PPP1R13L: variants seen among roughly 807,000 people sequenced by gnomAD.
The protein encoded by PPP1R13L is relA-associated inhibitor.
Under a neutral mutation model 80.9 loss-of-function variants are expected in PPP1R13L, and 50 were observed. The observed-to-expected ratio is 0.62, with a 90% CI of 0.49 to 0.78. The LOEUF is 0.78. PPP1R13L is among the 30% of genes least tolerant of loss of function. The probability of loss-of-function intolerance (pLI) is 0.00; values close to 1 mark genes in which losing one functional copy is unlikely to be tolerated. For synonymous variants in PPP1R13L, 602 were observed against 534.3 expected, an observed-to-expected ratio of 1.13 and a Z score of -1.75; for missense variants, 1,200 against 1,205.9, an observed-to-expected ratio of 1.00 and a Z score of 0.07.
At position 45,395,885 on chromosome 19, in the gene PPP1R13L, T is replaced by C. The variant is rs766753899; in HGVS notation, c.905A>G (p.Asp302Gly). Residue 302 changes from aspartate (D) to glycine (G), a missense_variant and splice_region_variant, in exon 7 of 13, where the codon GAC becomes GGC. Asp to Gly is a moderately conservative substitution (Grantham distance 94). Coordinates refer to ENST00000360957, the MANE Select transcript of PPP1R13L (RefSeq NM_006663.4). ...SLDGLGGTGK[D>G]NLTSATLPRN... is the part of the protein sequence containing the mutation. ...CGGCAGGGTGGCGCTAGTGAGGTTG[T>C]CCTGGGGAAGAGGGAAGGGAGAAGG... is the stretch of plus-strand genomic sequence containing the variant. The C allele has an allele frequency of 1.9e-6, 3 of 1,584,072 alleles. No individual in the cohort carries two copies. Among genetic ancestry groups the C allele is most frequent in the Non-Finnish European group, 8.6e-7 (1 of 1,165,870 alleles).
In PPP1R13L at chr19:45,396,622, T is replaced by A. The variant is rs1973101728; in HGVS notation, c.635A>T (p.Asp212Val). ...GCTCCCGAAGGCGGACGCTGGCGCG[T>A]CGTAGGCTGTGGCAGGGGGGCGCGG... ...PSPRPPATAY[D>V]APASAFGSSL... The change falls in exon 4 of 13, where the codon GAC becomes GTC. Residue 212 changes from aspartate to valine, a missense_variant. Asp to Val is a radical substitution (Grantham distance 152). Coordinates refer to ENST00000360957, the MANE Select transcript of PPP1R13L (RefSeq NM_006663.4). The surrounding 1 kb of genome is among the most constrained non-coding windows in gnomAD (Gnocchi z 5.3). The A allele has an allele frequency of 6.7e-7, 1 of 1,486,488 alleles. No homozygotes were observed. The highest frequency in any genetic ancestry group is 8.9e-7 in the Non-Finnish European group (1 of 1,127,926). The allele number at this position is 1,486,488 out of a possible 1,614,324, so 92.1% of individuals were successfully genotyped here. A position where few individuals can be genotyped will look rare whatever the true frequency, so the allele number is the denominator to read the frequency against.
At position 45,385,591 on chromosome 19, in the gene PPP1R13L, C is replaced by A; in HGVS notation, c.2219G>T (p.Gly740Val). ...CAGGTAGGTGGCGCAGTCAGCATAA[C>A]CCTCGCGGTAAGGGTCGCACTTCTC... is the stretch of plus-strand genomic sequence containing the variant. ...AFEKCDPYRE[G>V]YADCATYLAD... is the part of the protein sequence containing the mutation. The change falls in exon 11 of 13, where the codon GGT becomes GTT. Residue 740 changes from glycine (G) to valine (V), a missense_variant. This residue lies in a region of PPP1R13L where 165 missense variants were observed against 177.1 expected (regional missense o/e 0.93). Coordinates refer to ENST00000360957, the MANE Select transcript of PPP1R13L (RefSeq NM_006663.4). 6.2e-7 allele frequency: 1 copy of A among 1,613,016 alleles called. No homozygotes were observed. Among genetic ancestry groups the A allele is most frequent in the African/African-American group, 1.3e-5 (1 of 75,080 alleles).
chr19:45,398,355 G>A lies in PPP1R13L; in HGVS notation c.-21-16C>T. The stretch of plus-strand genomic sequence containing the variant: ...GAGCGGGCGCCTGCATGGTGGGGAG[G>A]GAGGGAGCTGGCTAAGACCCCGCCC... On this transcript the variant is annotated splice_polypyrimidine_tract_variant and intron_variant, in intron 1 of 12. Coordinates refer to ENST00000360957, the MANE Select transcript of PPP1R13L (RefSeq NM_006663.4). 4.3e-6 allele frequency: 7 copies of A among 1,610,718 alleles called. No homozygotes were observed. Among genetic ancestry groups the A allele is most frequent in the Non-Finnish European group, 5.9e-6 (7 of 1,179,522 alleles).
At position 45,395,455 on chromosome 19, in the gene PPP1R13L, T is replaced by C; in HGVS notation, c.1335A>G (p.Thr445=). The C allele has an allele frequency of 6.9e-7, 1 of 1,438,940 alleles. No homozygotes were observed. Among genetic ancestry groups the C allele is most frequent in the Non-Finnish European group, 9.2e-7 (1 of 1,084,022 alleles). The allele number at this position is 1,438,940 out of a possible 1,614,324, so 89.1% of individuals were successfully genotyped here. The part of the protein sequence containing the change: ...PTPAPQHPQQ[T]WPPVNEGPPK... ...ACTCACCTTCGTTCACAGGGGGCCA[T>C]GTCTGTTGGGGATGCTGGGGGGCTG... The change falls in exon 7 of 13, where the codon ACA becomes ACG. Residue 445 remains threonine, a synonymous_variant. Transcript: ENST00000360957.
chr19:45,392,192 T>A lies in PPP1R13L; in HGVS notation c.1503A>T (p.Ala501=). 6.2e-7 allele frequency: 1 copy of A among 1,611,428 alleles called. No individual in the cohort carries two copies. Residue 501 remains alanine (A), a synonymous_variant, in exon 8 of 13, where the codon GCA becomes GCT. Transcript: ENST00000360957. ...TRLQPALPPE[A]QSVPELEEVA... Reference sequence around the variant, plus strand: ...CCTCCTCCAGCTCGGGCACCGACTGTGCCTCCGGTGGCAGTGCTGGCTGCA... The same window carrying A: ...CCTCCTCCAGCTCGGGCACCGACTGAGCCTCCGGTGGCAGTGCTGGCTGCA...
chr19:45,382,868 G>C (rs1406956797), intron 11 of PPP1R13L, 142 bp from the exon 12 acceptor site: 1 of 744,658 alleles, frequency 1.3e-6, no homozygotes, highest in Non-Finnish European at 2.2e-6. Context: ...CATGGCTGTG[G>C]ATGGGAACCG....
chr19:45,392,301 T>C lies in PPP1R13L; in HGVS notation c.1394A>G (p.Glu465Gly). ...CACTGGTGTCAGCAGCCCCTCTATCTCCGGCTCAGGCTCCAGCTCGGTGGG... is the reference window on the plus strand; with the variant it reads ...CACTGGTGTCAGCAGCCCCTCTATCCCCGGCTCAGGCTCCAGCTCGGTGGG... Reference protein sequence around the residue: ...KPPTELEPEPEIEGLLTPVLE... With the variant: ...KPPTELEPEPGIEGLLTPVLE... Residue 465 changes from glutamate to glycine, a missense_variant, in exon 8 of 13, where the codon GAG (glutamate) becomes GGG (glycine). Around this residue, in one of 5 missense-constraint regions of PPP1R13L, gnomAD observed 764 missense variants for 714.5 expected, o/e 1.07. Transcript: ENST00000360957. 1 of 1,613,506 alleles carries C rather than the reference T, an allele frequency of 6.2e-7. No homozygotes were observed. The highest frequency in any genetic ancestry group is 8.5e-7 in the Non-Finnish European group (1 of 1,179,998).
intron 1 of PPP1R13L, among the ~76,000 whole-genome samples, chr19:45,400,732 T>C: frequency 6.7e-6 from 1 of 148,606 alleles, no homozygotes; most frequent in African/African-American, 2.5e-5. Context: ...AGACTATAGG[T>C]ATAGCCTCGC....
chr19:45,403,773 T>G (rs1300438535), intron 1 of PPP1R13L, among the ~76,000 whole-genome samples: 1 of 152,130 alleles, frequency 6.6e-6, no homozygotes, highest in African/African-American at 2.4e-5. Flanking sequence ...GCCCAGACAT[T>G]GGGAAACACT....
intron 12 of PPP1R13L, among the ~76,000 whole-genome samples, chr19:45,381,651 C>T (rs1197726406): frequency 6.6e-6 from 1 of 152,090 alleles, no homozygotes; most frequent in African/African-American, 2.4e-5. Context: ...GCGCTTCCAG[C>T]CAGGTGCGGT....
intron 1 of PPP1R13L, among the ~76,000 whole-genome samples, chr19:45,404,355 A>G (rs549991058): frequency 5.9e-5 from 9 of 152,276 alleles, no homozygotes; most frequent in Middle Eastern, 3.4e-3. Context: ...TTCTCTGGTT[A>G]GGCAGGTCTG....
At position 45,385,629 on chromosome 19, in the gene PPP1R13L, G is replaced by A; in HGVS notation, c.2181C>T (p.Gly727=). The change falls in exon 11 of 13, where the codon GGC becomes GGT. Residue 727 remains glycine, a synonymous_variant. Coordinates refer to ENST00000360957, the MANE Select transcript of PPP1R13L (RefSeq NM_006663.4). ...GGTCGCACTTCTCGAAGGCGGTGGC[G>A]CCGTCGCTGAGCGTGGTGGCGAAGA... is the stretch of plus-strand genomic sequence containing the variant. The part of the protein sequence containing the change: ...AAIFATTLSD[G]ATAFEKCDPY... The A allele has an allele frequency of 6.2e-7, 1 of 1,613,106 alleles. No homozygotes were observed. The highest frequency in any genetic ancestry group is 2.2e-5 in the East Asian group (1 of 44,852).
rs1243694671 is a variant in PPP1R13L, at chr19:45,396,722, C to T, written c.535G>A (p.Gly179Ser). The part of the protein sequence containing the change: ...QGPPTPFDFL[G>S]RAGSPRGSPL... ...CTGCCGCGGGGGGAGCCTGCGCGGC[C>T]CAGGAAGTCGAAAGGCGTGGGGGGA... Residue 179 changes from glycine to serine, a missense_variant, in exon 4 of 13, where the codon GGC (glycine) becomes AGC (serine). By Grantham distance (56) the Gly-to-Ser change is moderately conservative. This residue lies in a region of PPP1R13L where 764 missense variants were observed against 714.5 expected (regional missense o/e 1.07). Transcript: ENST00000360957. This position sits in a 1 kb window ranked among gnomAD's most constrained non-coding sequence, Gnocchi z 5.3. 2.9e-6 allele frequency: 4 copies of T among 1,393,550 alleles called. No homozygotes were observed. Among genetic ancestry groups the T allele is most frequent in the Non-Finnish European group, 3.7e-6 (4 of 1,083,270 alleles). The allele number at this position is 1,393,550 out of a possible 1,614,324, so 86.3% of individuals were successfully genotyped here.
At chr19:45,389,316 C>T (rs1195149751) in intron 8 of PPP1R13L, among the ~76,000 whole-genome samples, 1 of 152,046 alleles carries the variant, frequency 6.6e-6, no homozygotes, top group Non-Finnish European at 1.5e-5. Flanking sequence ...TCCACCTGAC[C>T]CCTGCTTCTC....
At position 45,392,167 on chromosome 19, in the gene PPP1R13L, C is replaced by A. The variant is rs775940419; in HGVS notation, c.1528G>T (p.Val510Leu). Residue 510 changes from valine (V) to leucine (L), a missense_variant, in exon 8 of 13, where the codon GTG becomes TTG. Coordinates refer to ENST00000360957, the MANE Select transcript of PPP1R13L (RefSeq NM_006663.4). ...GGAATTTCCGCCAACACCCGTGCCA[C>A]CTCCTCCAGCTCGGGCACCGACTGT... ...EAQSVPELEE[V>L]ARVLAEIPRP... 1 of 1,604,158 alleles carries A rather than the reference C, an allele frequency of 6.2e-7. No individual in the cohort carries two copies. The highest frequency in any genetic ancestry group is 1.7e-5 in the Admixed American group (1 of 59,094).
In PPP1R13L at chr19:45,396,247, A is replaced by G. The variant is rs369593705; in HGVS notation, c.824T>C (p.Phe275Ser). ...CAGGCTCGGCGAGGCAGGCCTTGCGAAGACGTCCAGGCCTGCGGGGCGGGA... is the reference window on the plus strand; with the variant it reads ...CAGGCTCGGCGAGGCAGGCCTTGCGGAGACGTCCAGGCCTGCGGGGCGGGA... ...QTASYERLDV[F>S]ARPASPSLQL... is the part of the protein sequence containing the mutation. Residue 275 changes from phenylalanine (F) to serine (S), a missense_variant, in exon 6 of 13, where the codon TTC becomes TCC. Coordinates refer to ENST00000360957, the MANE Select transcript of PPP1R13L (RefSeq NM_006663.4). The surrounding 1 kb of genome is among the most constrained non-coding windows in gnomAD (Gnocchi z 5.3). 1 of 1,610,780 alleles carries G rather than the reference A, an allele frequency of 6.2e-7. No individual in the cohort carries two copies. Among genetic ancestry groups the G allele is most frequent in the Non-Finnish European group, 8.5e-7 (1 of 1,179,528 alleles).
chr19:45,405,038 C>G lies in PPP1R13L; in HGVS notation c.-61G>C. 1.0e-6 allele frequency: 1 copy of G among 986,030 alleles called. No homozygotes were observed. The highest frequency in any genetic ancestry group is 1.2e-6 in the Non-Finnish European group (1 of 830,090). 61.1% of individuals were successfully genotyped at this position (986,030 alleles called of 1,614,324 possible). A position where few individuals can be genotyped will look rare whatever the true frequency, so the allele number is the denominator to read the frequency against. The stretch of plus-strand genomic sequence containing the variant: ...CCTGGCACCTGGGGGCTTCCTCCAG[C>G]TCGGGCTCCGGCTTGGGGAGCGGAG... On this transcript the variant is annotated 5_prime_UTR_variant, in exon 1 of 13. Transcript: ENST00000360957.
chr19:45,405,429 A>C (rs1973318529), upstream of PPP1R13L, among the ~76,000 whole-genome samples: 1 of 152,132 alleles, frequency 6.6e-6, no homozygotes, highest in Admixed American at 6.5e-5. Context: ...CCGTCGATAA[A>C]AAGCGCGGGT....
At chr19:45,400,608 T>C (rs1335679894) in intron 1 of PPP1R13L, among the ~76,000 whole-genome samples, 2 of 150,830 alleles carry the variant, frequency 1.3e-5, no homozygotes, top group Non-Finnish European at 1.5e-5. Context: ...TCACCTTTTT[T>C]TTTTTTTTTG....
Sources: gnomAD v4.1 joint callset for allele counts (sites outside exome capture counted in the v4.1 genomes callset) on GRCh38, gnomAD v4.1.1 for gene constraint, gnomAD v4.1.1 regional missense constraint, Gnocchi (gnomAD v3.1) non-coding constraint, MANE v1.5 for transcripts, NCBI Gene and HGNC (gene_info 2026-07-23, HGNC 2026-07-21) for gene names.